The following JMY variants were observed in gnomAD, a reference collection of about 807,000 sequenced individuals.
The protein encoded by JMY is junction-mediating and -regulatory protein.
In JMY, 46 loss-of-function variants were observed where a neutral mutation model predicts 103.3. That is an observed-to-expected ratio of 0.45 (90% CI 0.35 to 0.57). The LOEUF is 0.57. Ranked by LOEUF, JMY falls within the 20% of genes least tolerant of loss-of-function variation. The pLI is 0.00. For synonymous variants in JMY, 526 were observed against 489.3 expected, an observed-to-expected ratio of 1.07 and a Z score of -0.99; for missense variants, 1,238 against 1,255.2, an observed-to-expected ratio of 0.99 and a Z score of 0.21.
In JMY at chr5:79,248,126, C is replaced by G. The variant is rs567580549; in HGVS notation, c.1032+10444C>G. Among the ~76,000 whole-genome samples, 7 of 151,888 alleles carry G rather than the reference C, an allele frequency of 4.6e-5. No homozygotes were observed. The East Asian group carries it at 1.4e-3, about 30-fold the overall frequency. On this transcript the variant is annotated intron_variant, in intron 1 of 10. Coordinates refer to ENST00000396137, the MANE Select transcript of JMY (RefSeq NM_152405.5). ...CTGGCTGGTCTCAAACTCCTGACCT[C>G]ATGATCCGCCCACCTCGGCCTCCCA... is the stretch of plus-strand genomic sequence containing the variant.
intron 2 of JMY, among the ~76,000 whole-genome samples, chr5:79,278,585 CAAAAAAA>C (rs34278536): frequency 0.023 from 1,334 of 57,304 alleles, 9 homozygotes; most frequent in Non-Finnish European, 0.033. Context: ...CCCGTCTCTA[CAAAAAAA>C]AAAAAAAAAA....
chr5:79,318,086 C>G (rs763181386), intron 10 of JMY, among the ~76,000 whole-genome samples: 9 of 152,162 alleles, frequency 5.9e-5, no homozygotes, highest in Non-Finnish European at 1.2e-4. Flanking sequence ...GCTGCAAGCT[C>G]CACCTCGTGG....
chr5:79,320,343 CT>C (rs869113484), intron 10 of JMY, among the ~76,000 whole-genome samples: 78 of 25,204 alleles, frequency 3.1e-3, no homozygotes, highest in Middle Eastern at 0.012. Context: ...CTGTGAGAGT[CT>C]TTTTTTTTTT....
At chr5:79,265,776 G>A (rs1320883740) in intron 1 of JMY, among the ~76,000 whole-genome samples, 1 of 137,718 alleles carries the variant, frequency 7.3e-6, no homozygotes, top group African/African-American at 2.8e-5. Flanking sequence ...CATCTGTGAT[G>A]ATTCTTTTTT....
In JMY at chr5:79,294,546, T is replaced by A. The variant is rs556618000; in HGVS notation, c.1527+3247T>A. On this transcript the variant is annotated intron_variant, in intron 4 of 10. Coordinates refer to ENST00000396137, the MANE Select transcript of JMY (RefSeq NM_152405.5). ...AAAACCCTTTAGATTCCAATTCGTG[T>A]GGCTGAAAGACTTTAAAAAGTATAT... is the stretch of plus-strand genomic sequence containing the variant. 2.1e-3 allele frequency among the ~76,000 whole-genome samples: 321 copies of A among 152,276 alleles called. 2 individuals carry two copies. The highest frequency in any genetic ancestry group is 7.2e-3 in the African/African-American group (299 of 41,560).
At chr5:79,262,826 T>C (rs1018906699) in intron 1 of JMY, among the ~76,000 whole-genome samples, 1 of 152,222 alleles carries the variant, frequency 6.6e-6, no homozygotes, top group African/African-American at 2.4e-5. Flanking sequence ...AAATAATAGA[T>C]AAAAATGTTA....
chr5:79,244,674 G>A (rs79776215), intron 1 of JMY, among the ~76,000 whole-genome samples: 1 of 147,072 alleles, frequency 6.8e-6, no homozygotes, highest in South Asian at 2.2e-4. Flanking sequence ...TTTTTTTTTG[G>A]TAACGAGAAG....
chr5:79,315,180 A>G (rs1016897443), intron 9 of JMY, among the ~76,000 whole-genome samples: 4 of 152,224 alleles, frequency 2.6e-5, no homozygotes, highest in Admixed American at 2.6e-4. Context: ...CATATCAGAA[A>G]GGGTAAGATA....
At chr5:79,246,400 T>C (rs1015276093) in intron 1 of JMY, among the ~76,000 whole-genome samples, 3 of 152,208 alleles carry the variant, frequency 2.0e-5, no homozygotes, top group African/African-American at 7.2e-5. Flanking sequence ...CCAAGCACTT[T>C]ACAAAGATCT....
At position 79,323,492 on chromosome 5, in the gene JMY, TATATGA is replaced by T. The variant is rs1747530212; in HGVS notation, c.*1895_*1900del. The stretch of plus-strand genomic sequence containing the variant: ...TTTCTTAACCCAAAGAGTGATTGGT[TATATGA>T]ATATATTTGAAAAAGTTAAAGCAAA... On this transcript the variant is annotated 3_prime_UTR_variant, in exon 11 of 11. Transcript: ENST00000396137. 1 of 152,228 alleles carries T rather than the reference TATATGA, an allele frequency of 6.6e-6. No homozygotes were observed. Among genetic ancestry groups the T allele is most frequent in the South Asian group, 2.1e-4 (1 of 4,828 alleles). 9.4% of individuals were successfully genotyped at this position (152,228 alleles called of 1,614,324 possible).
At chr5:79,265,780 CTTTTTT>C (rs34354467) in intron 1 of JMY, among the ~76,000 whole-genome samples, 5 of 116,184 alleles carry the variant, frequency 4.3e-5, no homozygotes, top group Non-Finnish European at 7.1e-5. Flanking sequence ...TGTGATGATT[CTTTTTT>C]TTTTTTTTTT....
In JMY at chr5:79,237,016, T is replaced by C. The variant is rs1349418932; in HGVS notation, c.366T>C (p.Leu122=). The C allele has an allele frequency of 1.3e-6, 2 of 1,495,702 alleles. No homozygotes were observed. Among genetic ancestry groups the C allele is most frequent in the East Asian group, 5.0e-5 (2 of 40,322 alleles). The allele number at this position is 1,495,702 out of a possible 1,614,324, so 92.7% of individuals were successfully genotyped here. ...EGGSPRSTRS[L]LGDPRLRSPG... ...GCTCTCCTCGGAGCACTCGCAGCCT[T>C]CTGGGGGACCCGCGGCTGCGGAGTC... Residue 122 remains leucine, a synonymous_variant, in exon 1 of 11, where the codon CTT becomes CTC. Transcript: ENST00000396137.
At position 79,314,571 on chromosome 5, in the gene JMY, C is replaced by G; in HGVS notation, c.2379C>G (p.Leu793=). The change falls in exon 9 of 11, where the codon CTC becomes CTG. Residue 793 remains leucine, a synonymous_variant. Transcript: ENST00000396137. ...TISLPLLNNN[L]EPCSVTINPL... is the part of the protein sequence containing the mutation. Reference sequence around the variant, plus strand: ...CTCTTCCACTTTTGAATAACAACCTCGAACCATGTTCTGTTACCATAAATC... The same window carrying G: ...CTCTTCCACTTTTGAATAACAACCTGGAACCATGTTCTGTTACCATAAATC... The G allele has an allele frequency of 6.2e-7, 1 of 1,614,142 alleles. No individual in the cohort carries two copies. Among genetic ancestry groups the G allele is most frequent in the Non-Finnish European group, 8.5e-7 (1 of 1,180,014 alleles).
Position 79,300,710 on chromosome 5 carries a change from C to T in JMY, c.1728C>T (p.Tyr576=), listed in dbSNP as rs767796449. 48 of 1,608,024 alleles carry T rather than the reference C, an allele frequency of 3.0e-5. No individual in the cohort carries two copies. Among genetic ancestry groups the T allele is most frequent in the African/African-American group, 1.5e-4 (11 of 74,286 alleles). ...ATGAAGTGGTATACTATGACACTTA[C>T]GAAAGCATGGAGGCCATGCTGGAGA... ...KRDEVVYYDT[Y]ESMEAMLEKE... is the part of the protein sequence containing the mutation. Residue 576 remains tyrosine (Y), a synonymous_variant, in exon 6 of 11, where the codon TAC becomes TAT. Transcript: ENST00000396137.
At chr5:79,246,948 T>G (rs969228112) in intron 1 of JMY, among the ~76,000 whole-genome samples, 1 of 151,908 alleles carries the variant, frequency 6.6e-6, no homozygotes, top group African/African-American at 2.4e-5. Flanking sequence ...ACTTGATAAA[T>G]CTAAACTTTG....
At chr5:79,312,617 A>G in intron 8 of JMY, 119 bp downstream of exon 8, 2 of 464,786 alleles carry the variant, frequency 4.3e-6, no homozygotes, top group Non-Finnish European at 7.5e-6. Flanking sequence ...TTTATAAACT[A>G]TTATAACCAT....
intron 2 of JMY, 91 bp downstream of exon 2, chr5:79,278,174 A>T: frequency 2.3e-6 from 2 of 872,042 alleles, no homozygotes; most frequent in African/African-American, 1.7e-5. Flanking sequence ...GAACTTTAAA[A>T]AAAAAAAAAA....
At chr5:79,291,009 A>C (rs1447504961) in intron 3 of JMY, 121 bp from the exon 4 acceptor site, 1 of 661,974 alleles carries the variant, frequency 1.5e-6, no homozygotes, top group Non-Finnish European at 2.3e-6. Flanking sequence ...GAAAAAAGTT[A>C]TAAGCAGTTT....
intron 9 of JMY, among the ~76,000 whole-genome samples, chr5:79,315,336 G>GC (rs1382035621): frequency 1.3e-5 from 2 of 152,136 alleles, no homozygotes; most frequent in African/African-American, 4.8e-5. Context: ...TGACAGATGT[G>GC]CCTCAATAAG....
Sources: allele counts gnomAD v4.1 joint callset (sites outside exome capture counted in the v4.1 genomes callset), GRCh38; gene constraint gnomAD v4.1.1; transcripts MANE v1.5; gene names NCBI Gene and HGNC (gene_info 2026-07-23, HGNC 2026-07-21).